Variants in STOX2 observed in about 807,000 individuals in gnomAD.
STOX2 encodes the protein storkhead-box protein 2.
A neutral mutation model predicts 60.9 loss-of-function variants in STOX2; 28 were observed. The observed-to-expected ratio is 0.46, with a 90% CI of 0.34 to 0.63. The LOEUF is 0.63. STOX2 is among the 30% of genes least tolerant of loss of function. The pLI, the probability that STOX2 is intolerant of heterozygous loss-of-function variation, is 0.01. For missense variants in STOX2, 1,024 were observed against 1,187.7 expected, an observed-to-expected ratio of 0.86 and a Z score of 2.03; for synonymous variants, 472 against 463.9, an observed-to-expected ratio of 1.02 and a Z score of -0.22.
chr4:183,945,966 C>T (rs143481949), intron 1 of STOX2, among the ~76,000 whole-genome samples: 16 of 152,288 alleles, frequency 1.1e-4, no homozygotes, highest in African/African-American at 3.6e-4. Context: ...TGAATGTAGT[C>T]CGTAGCTCCC....
At chr4:183,910,842 C>G (rs1345256447) in intron 1 of STOX2, among the ~76,000 whole-genome samples, 1 of 152,166 alleles carries the variant, frequency 6.6e-6, no homozygotes, top group Non-Finnish European at 1.5e-5. Context: ...GGAAGAATGG[C>G]CAGCTCATCA....
At chr4:183,942,775 G>T (rs1015948932) in intron 1 of STOX2, among the ~76,000 whole-genome samples, 2 of 152,002 alleles carry the variant, frequency 1.3e-5, no homozygotes, top group Admixed American at 6.6e-5. Context: ...TATTTATAAA[G>T]ATTTTCTATA....
At chr4:183,816,484 T>G (rs1739157439) in intron 1 of STOX2, among the ~76,000 whole-genome samples, 1 of 151,904 alleles carries the variant, frequency 6.6e-6, no homozygotes, top group Non-Finnish European at 1.5e-5. Flanking sequence ...ACAGTAGACA[T>G]CAGATACCCT....
chr4:183,818,578 G>A (rs940929067), intron 1 of STOX2, among the ~76,000 whole-genome samples: 1 of 152,190 alleles, frequency 6.6e-6, no homozygotes, highest in South Asian at 2.1e-4. Context: ...AACCGCCATC[G>A]TCATCATGGC....
chr4:183,965,703 C>T (rs924334559), intron 1 of STOX2, among the ~76,000 whole-genome samples: 1 of 151,992 alleles, frequency 6.6e-6, no homozygotes, highest in Non-Finnish European at 1.5e-5. Flanking sequence ...GGCACTTATG[C>T]TTAGGGTGAC....
rs181736718 is a variant in STOX2 at position 183,923,244 on chromosome 4, C to T, written c.166+16288C>T. 7.2e-5 allele frequency among the ~76,000 whole-genome samples: 11 copies of T among 152,350 alleles called. No homozygotes were observed. In the East Asian group the frequency reaches 1.3e-3, roughly 19 times the overall value. On this transcript the variant is annotated intron_variant, in intron 1 of 3. Transcript: ENST00000308497. ...TTGCACCATTTTGCATACCCACCAA[C>T]GGTGTACAAGGGTTCTAATTTCTCC...
At chr4:183,926,251 G>T (rs1175511963) in intron 1 of STOX2, among the ~76,000 whole-genome samples, 1 of 151,586 alleles carries the variant, frequency 6.6e-6, no homozygotes, top group Non-Finnish European at 1.5e-5. Context: ...ATAAGATAAG[G>T]GAATAATAAA....
chr4:183,979,009 C>T (rs751871602), intron 1 of STOX2, among the ~76,000 whole-genome samples: 11 of 152,156 alleles, frequency 7.2e-5, no homozygotes, highest in African/African-American at 2.2e-4. Context: ...GAATGGTACC[C>T]GATTTTATTA....
chr4:183,963,067 G>A lies in STOX2; in HGVS notation c.167-38258G>A, dbSNP rs553534719. The stretch of plus-strand genomic sequence containing the variant: ...TCTTAATTCTTCTACACTCATTGGG[G>A]TAACTTTTGATCACTTACTCTCTCT... On this transcript the variant is annotated intron_variant, in intron 1 of 3. Coordinates refer to ENST00000308497, the MANE Select transcript of STOX2 (RefSeq NM_020225.3). Among the ~76,000 whole-genome samples the A allele has an allele frequency of 2.0e-5, 3 of 152,268 alleles. No individual in the cohort carries two copies. In the East Asian group the frequency reaches 5.8e-4, roughly 29 times the overall value.
chr4:183,820,563 T>C (rs1244980113), intron 1 of STOX2, among the ~76,000 whole-genome samples: 1 of 152,250 alleles, frequency 6.6e-6, no homozygotes, highest in Non-Finnish European at 1.5e-5. Flanking sequence ...ATTTATTCTT[T>C]ACTGTTTTAA....
intron 1 of STOX2, among the ~76,000 whole-genome samples, chr4:183,846,221 C>T (rs971389477): frequency 1.6e-4 from 24 of 152,174 alleles, no homozygotes; most frequent in Admixed American, 1.6e-3. Context: ...CTTGCTGCTT[C>T]CAGGATTCTC....
At chr4:183,951,815 T>C (rs1187667786) in intron 1 of STOX2, among the ~76,000 whole-genome samples, 1 of 152,036 alleles carries the variant, frequency 6.6e-6, no homozygotes, top group African/African-American at 2.4e-5. Context: ...TGGTGGTGCA[T>C]GCCTGTAGTT....
intron 1 of STOX2, among the ~76,000 whole-genome samples, chr4:183,980,408 T>C (rs1317760001): frequency 6.6e-6 from 1 of 152,234 alleles, no homozygotes; most frequent in African/African-American, 2.4e-5. Flanking sequence ...ACAGTCCGGA[T>C]ACTGTTGTCA....
rs1016446389 is a variant in STOX2, at chr4:183,836,721, C to T, written c.364+38666C>T. ...TTTCGTGGCAGGGTCAGTGACTTCT[C>T]GTGACAGCCTCATGAAGGTGAAAAA... On this transcript the variant is annotated intron_variant, in intron 1 of 2. Coordinates refer to the STOX2 transcript ENST00000513034. The surrounding 1 kb of genome is among the most constrained non-coding windows in gnomAD (Gnocchi z 4.1). Among the ~76,000 whole-genome samples, 40 of 152,240 alleles carry T rather than the reference C, an allele frequency of 2.6e-4. No individual in the cohort carries two copies. The highest frequency in any genetic ancestry group is 9.6e-4 in the African/African-American group (40 of 41,530).
chr4:183,964,537 C>T (rs1279439857), intron 1 of STOX2, among the ~76,000 whole-genome samples: 3 of 152,132 alleles, frequency 2.0e-5, no homozygotes, highest in Non-Finnish European at 2.9e-5. Context: ...TTCCTTTTGT[C>T]CCCAGACCAG....
intron 1 of STOX2, among the ~76,000 whole-genome samples, chr4:183,819,512 C>CTG (rs1739253333): frequency 7.1e-6 from 1 of 140,338 alleles, no homozygotes; most frequent in Non-Finnish European, 1.5e-5. Flanking sequence ...CCTGCTTCGG[C>CTG]TGGGCATCAG....
At chr4:183,798,551 G>A (rs1470828561) in intron 1 of STOX2, 1 of 914,514 alleles carries the variant, frequency 1.1e-6, no homozygotes, top group East Asian at 1.2e-4. Flanking sequence ...CGGGGGACGC[G>A]CCGGGAAGCT....
At chr4:183,973,664 A>T (rs1743805267) in intron 1 of STOX2, among the ~76,000 whole-genome samples, 1 of 152,214 alleles carries the variant, frequency 6.6e-6, no homozygotes, top group Non-Finnish European at 1.5e-5. Flanking sequence ...CAGTAGTAAT[A>T]CCTGAGTAAA....
chr4:183,904,305 G>A (rs1298422968), upstream of STOX2, among the ~76,000 whole-genome samples: 1 of 152,240 alleles, frequency 6.6e-6, no homozygotes, highest in Non-Finnish European at 1.5e-5. Context: ...AATATCTGTG[G>A]GGTAGGTAAA....
Sources: gnomAD v4.1 joint callset for allele counts (sites outside exome capture counted in the v4.1 genomes callset) on GRCh38, gnomAD v4.1.1 for gene constraint, Gnocchi (gnomAD v3.1) non-coding constraint, MANE v1.5 for transcripts, NCBI Gene and HGNC (gene_info 2026-07-23, HGNC 2026-07-21) for gene names.